Variants in GTF2IRD1 observed in about 807,000 individuals in gnomAD.
GTF2IRD1 encodes GTF2I repeat domain containing 1, also known as general transcription factor II-I repeat domain-containing protein 1.
A neutral mutation model predicts 113.2 loss-of-function variants in GTF2IRD1; 26 were observed. The observed-to-expected ratio is 0.23, with a 90% confidence interval of 0.17 to 0.32. The LOEUF is 0.32. Ranked by LOEUF, GTF2IRD1 falls within the 10% of genes least tolerant of loss-of-function variation. The probability of loss-of-function intolerance (pLI) is 1.00; values close to 1 mark genes in which losing one functional copy is unlikely to be tolerated. For missense variants in GTF2IRD1, 864 were observed against 1,280.8 expected (o/e 0.67, Z 4.97); for synonymous variants, 484 against 529.1 (o/e 0.91, Z 1.17).
intron 1 of GTF2IRD1, among the ~76,000 whole-genome samples, chr7:74,469,916 G>T (rs569953377): frequency 1.3e-5 from 2 of 151,588 alleles, no homozygotes; most frequent in South Asian, 4.2e-4. Context: ...TATTAGCAAG[G>T]CCCTGTCTCT....
intron 21 of GTF2IRD1, 100 bp downstream of exon 21, chr7:74,559,144 CT>C (rs1363598430): frequency 2.9e-5 from 33 of 1,138,680 alleles, no homozygotes; most frequent in Non-Finnish European, 3.8e-5. Context: ...GCCCTCCCCC[CT>C]GGACAAGGTG....
intron 22 of GTF2IRD1, among the ~76,000 whole-genome samples, chr7:74,561,762 T>C (rs1799979374): frequency 1.3e-5 from 2 of 151,812 alleles, no homozygotes; most frequent in East Asian, 1.9e-4. Context: ...TTTTGGGAGG[T>C]CCTGCTGGGA....
In GTF2IRD1 at chr7:74,577,934, A is replaced by G. The variant is rs587654562; in HGVS notation, c.2321-11917A>G. On this transcript the variant is annotated intron_variant, in intron 22 of 26. Coordinates refer to ENST00000424337, the MANE Select transcript of GTF2IRD1 (RefSeq NM_005685.4). ...ACAATCCTCCCGCATCAGCCTCCCA[A>G]GTAGCTGGGACTATAGCTGGGTGCC... Among the ~76,000 whole-genome samples the G allele has an allele frequency of 6.6e-5, 10 of 152,172 alleles. No homozygotes were observed. The East Asian group carries it at 1.9e-3, about 29-fold the overall frequency.
chr7:74,566,834 T>A (rs1800349559), intron 22 of GTF2IRD1, among the ~76,000 whole-genome samples: 1 of 152,138 alleles, frequency 6.6e-6, no homozygotes, highest in South Asian at 2.1e-4. Context: ...CAGGGCAGGC[T>A]CTACCACTAG....
At chr7:74,517,930 C>A (rs587742658) in intron 4 of GTF2IRD1, among the ~76,000 whole-genome samples, 1 of 152,190 alleles carries the variant, frequency 6.6e-6, no homozygotes, top group Admixed American at 6.5e-5. Context: ...CCCAGCCCCC[C>A]AGATGCAGAC....
chr7:74,479,205 A>C (rs1562784466), intron 1 of GTF2IRD1, among the ~76,000 whole-genome samples: 1 of 151,720 alleles, frequency 6.6e-6, no homozygotes, highest in Non-Finnish European at 1.5e-5. Context: ...CTCACTGCCC[A>C]CGTCTCACCC....
At chr7:74,493,978 C>G (rs542310939) in intron 1 of GTF2IRD1, among the ~76,000 whole-genome samples, 3 of 152,314 alleles carry the variant, frequency 2.0e-5, no homozygotes, top group East Asian at 3.9e-4. Flanking sequence ...TCCCAAACAG[C>G]TGCCCCCTCT....
rs371073709 is a variant in GTF2IRD1 at position 74,545,714 on chromosome 7, A to G, written c.1667-30A>G. ...ATCAGCCGAGAAGCTGCCACCAACC[A>G]GCCTCAACAGACTGCCTTTTGCCTT... On this transcript the variant is annotated intron_variant, in intron 15 of 26. Transcript: ENST00000424337. 4 of 1,590,940 alleles carry G rather than the reference A, an allele frequency of 2.5e-6. No homozygotes were observed. In the African/African-American group the frequency reaches 5.4e-5, roughly 21 times the overall value.
chr7:74,516,636 C>G lies in GTF2IRD1; in HGVS notation c.421+1040C>G, dbSNP rs587728524. ...GGAGCAAAGGTCTGTGAGGAAACTT[C>G]TGCTGTTCTTATGTCAGAAGGAGGG... On this transcript the variant is annotated intron_variant, in intron 4 of 26. Coordinates refer to ENST00000424337, the MANE Select transcript of GTF2IRD1 (RefSeq NM_005685.4). Among the ~76,000 whole-genome samples the G allele has an allele frequency of 1.1e-3, 162 of 152,348 alleles. 1 individual carries two copies. Among genetic ancestry groups the G allele is most frequent in the African/African-American group, 3.7e-3 (153 of 41,584 alleles).
At chr7:74,508,034 C>A (rs781882040) in intron 1 of GTF2IRD1, 41 bp from the exon 2 acceptor site, 1 of 1,578,620 alleles carries the variant, frequency 6.3e-7, no homozygotes, top group Non-Finnish European at 8.6e-7. Context: ...GACAAGCCCC[C>A]TGCCTTGTGC....
At chr7:74,574,614 C>T (rs587688060) in intron 22 of GTF2IRD1, among the ~76,000 whole-genome samples, 25 of 151,718 alleles carry the variant, frequency 1.6e-4, no homozygotes, top group South Asian at 6.3e-4. Flanking sequence ...CGTGCACCAC[C>T]GTGCCAGGCT....
At position 74,479,835 on chromosome 7, in the gene GTF2IRD1, G is replaced by A. The variant is rs190695162; in HGVS notation, c.-7+25659G>A. 5.0e-5 allele frequency among the ~76,000 whole-genome samples: 7 copies of A among 140,664 alleles called. No homozygotes were observed. The East Asian group carries it at 6.3e-4, about 13-fold the overall frequency. 92.3% of individuals were successfully genotyped at this position (140,664 alleles called of 152,430 possible). A position where few individuals can be genotyped will look rare whatever the true frequency, so the allele number is the denominator to read the frequency against. On this transcript the variant is annotated intron_variant, in intron 1 of 26. Transcript: ENST00000424337. Reference sequence around the variant, plus strand: ...TGGCGTGGTCTTGGCTCATTGCAACGTCCCCATCCTGGGTTCAAACAATTC... The same window carrying A: ...TGGCGTGGTCTTGGCTCATTGCAACATCCCCATCCTGGGTTCAAACAATTC...
At chr7:74,464,560 G>A (rs537232383) in intron 1 of GTF2IRD1, among the ~76,000 whole-genome samples, 84 of 152,032 alleles carry the variant, frequency 5.5e-4, no homozygotes, top group Non-Finnish European at 9.0e-4. Context: ...CACTTCTCCC[G>A]CCTCAGCCTC....
At chr7:74,485,782 C>T (rs544513109) in intron 1 of GTF2IRD1, among the ~76,000 whole-genome samples, 6 of 151,730 alleles carry the variant, frequency 4.0e-5, no homozygotes, top group African/African-American at 1.2e-4. Flanking sequence ...AAAAATTAGC[C>T]GGGTATGGTG....
chr7:74,587,393 G>A lies in GTF2IRD1; in HGVS notation c.2321-2458G>A, dbSNP rs587714334. 3.3e-5 allele frequency among the ~76,000 whole-genome samples: 5 copies of A among 152,056 alleles called. No homozygotes were observed. In the East Asian group the frequency reaches 9.7e-4, roughly 29 times the overall value. ...TGGGAGGCAGAGGTTGCAGCGAACCGAGACCGTGCCACTGCACTCCAGCCT... is the reference window on the plus strand; with the variant it reads ...TGGGAGGCAGAGGTTGCAGCGAACCAAGACCGTGCCACTGCACTCCAGCCT... On this transcript the variant is annotated intron_variant, in intron 22 of 26. Coordinates refer to ENST00000424337, the MANE Select transcript of GTF2IRD1 (RefSeq NM_005685.4).
intron 1 of GTF2IRD1, among the ~76,000 whole-genome samples, chr7:74,469,166 T>C (rs534771820): frequency 1.3e-5 from 2 of 151,876 alleles, no homozygotes; most frequent in African/African-American, 4.8e-5. Context: ...GATGGGTACC[T>C]GTGAGTAGGT....
chr7:74,468,936 T>C (rs551947941), intron 1 of GTF2IRD1, among the ~76,000 whole-genome samples: 1 of 151,310 alleles, frequency 6.6e-6, no homozygotes, highest in Admixed American at 6.6e-5. Context: ...TACAAAAAAA[T>C]TAGCCGGGCG....
intron 1 of GTF2IRD1, among the ~76,000 whole-genome samples, chr7:74,492,203 C>T (rs945390869): frequency 1.3e-5 from 2 of 150,674 alleles, no homozygotes; most frequent in Non-Finnish European, 3.0e-5. Context: ...CAGAGTCTCA[C>T]TCTGTCGCCC....
chr7:74,473,816 A>G (rs1305377705), intron 1 of GTF2IRD1, among the ~76,000 whole-genome samples: 2 of 152,168 alleles, frequency 1.3e-5, no homozygotes, highest in African/African-American at 4.8e-5. Context: ...TTTGGCTCAG[A>G]AAACGATATC....
Sources: allele counts gnomAD v4.1 joint callset (sites outside exome capture counted in the v4.1 genomes callset), GRCh38; gene constraint gnomAD v4.1.1; transcripts MANE v1.5; gene names NCBI Gene and HGNC (gene_info 2026-07-23, HGNC 2026-07-21).